ZNF761: variants seen among roughly 807,000 people sequenced by gnomAD.
ZNF761 encodes the protein zinc finger protein 761.
Under a neutral mutation model 59.9 loss-of-function variants are expected in ZNF761, and 43 were observed. That is an observed-to-expected ratio of 0.72 (90% confidence interval 0.56 to 0.92). The LOEUF (loss-of-function observed/expected upper bound fraction) is 0.92. ZNF761 is among the 40% of genes least tolerant of loss of function. The pLI is 0.00. For synonymous variants in ZNF761, 294 were observed against 304.8 expected, an observed-to-expected ratio of 0.96 and a Z score of 0.37; for missense variants, 850 against 906.1, an observed-to-expected ratio of 0.94 and a Z score of 0.79.
At position 53,455,661 on chromosome 19, in the gene ZNF761, A is replaced by G; in HGVS notation, c.1154A>G (p.Asn385Ser). The change falls in exon 5 of 5, where the codon AAT (asparagine) becomes AGT (serine). Residue 385 changes from asparagine (N) to serine (S), a missense_variant. Physicochemically the swap from Asn to Ser is conservative, Grantham distance 46 (BLOSUM62 1). Coordinates refer to ENST00000684525, the MANE Select transcript of ZNF761 (RefSeq NM_001289951.2). ...LHTGEKPYKC[N>S]ECGKTFSHKS... ...ACTGGAGAGAAACCCTACAAATGTA[A>G]TGAGTGTGGCAAGACCTTTAGTCAC... is the stretch of plus-strand genomic sequence containing the variant. 6.2e-7 allele frequency: 1 copy of G among 1,613,842 alleles called. No individual in the cohort carries two copies. The highest frequency in any genetic ancestry group is 1.1e-5 in the South Asian group (1 of 91,052).
rs551514973 is a variant in ZNF761 at position 53,456,525 on chromosome 19, G to T, written c.2018G>T (p.Arg673Leu). The change falls in exon 5 of 5, where the codon CGG becomes CTG. Residue 673 changes from arginine to leucine, a missense_variant. By Grantham distance (102) the Arg-to-Leu change is moderately radical. Transcript: ENST00000684525. ...KCNECGKTFSRKSYFICHHRL... is the reference protein window; with the variant it reads ...KCNECGKTFSLKSYFICHHRL... ...AATGAGTGTGGCAAGACCTTTAGTCGGAAGTCATATTTTATATGCCATCAT... is the reference window on the plus strand; with the variant it reads ...AATGAGTGTGGCAAGACCTTTAGTCTGAAGTCATATTTTATATGCCATCAT... 1 of 1,608,418 alleles carries T rather than the reference G, an allele frequency of 6.2e-7. No individual in the cohort carries two copies. Among genetic ancestry groups the T allele is most frequent in the Admixed American group, 1.7e-5 (1 of 59,506 alleles).
chr19:53,450,023 G>A lies in ZNF761; in HGVS notation c.142+385G>A, dbSNP rs1416269900. On this transcript the variant is annotated intron_variant, in intron 4 of 4. Coordinates refer to ENST00000684525, the MANE Select transcript of ZNF761 (RefSeq NM_001289951.2). ...ATTTTTAAGATTTTTGCATATGTGT[G>A]GCCGGGCTTGGTGGCTCACGCCTGT... is the stretch of plus-strand genomic sequence containing the variant. 7 of 449,678 alleles carry A rather than the reference G, an allele frequency of 1.6e-5. 1 individual carries two copies. Among genetic ancestry groups the A allele is most frequent in the East Asian group, 1.0e-4 (3 of 29,464 alleles). The allele number at this position is 449,678 out of a possible 1,614,324, so 27.9% of individuals were successfully genotyped here.
intron 1 of ZNF761, chr19:53,444,713 C>T (rs1156815779): frequency 1.3e-5 from 2 of 152,172 alleles, no homozygotes; most frequent in Non-Finnish European, 2.9e-5. Context: ...GTCTCTTATC[C>T]CAGCTGATGA....
chr19:53,455,446 T>C lies in ZNF761; in HGVS notation c.939T>C (p.Leu313=). The stretch of plus-strand genomic sequence containing the variant: ...AAGCTTTCCATTTCAAATCAATACT[T>C]GAAAGACATAGGATAATTCATACTG... ...CDKAFHFKSI[L]ERHRIIHTEE... is the part of the protein sequence containing the mutation. The change falls in exon 5 of 5, where the codon CTT becomes CTC. Residue 313 remains leucine (L), a synonymous_variant. Coordinates refer to ENST00000684525, the MANE Select transcript of ZNF761 (RefSeq NM_001289951.2). The C allele has an allele frequency of 6.2e-7, 1 of 1,611,806 alleles. No individual in the cohort carries two copies. Among genetic ancestry groups the C allele is most frequent in the South Asian group, 1.1e-5 (1 of 90,956 alleles).
chr19:53,447,096 C>T (rs2086168549), intron 2 of ZNF761, 100 bp from the exon 3 acceptor site: 1 of 701,658 alleles, frequency 1.4e-6, no homozygotes, highest in South Asian at 2.0e-5. Flanking sequence ...GCAGACGGGA[C>T]CATATTTCCC....
At chr19:53,438,132 A>G (rs1407413197) in intron 1 of ZNF761, among the ~76,000 whole-genome samples, 1 of 120,782 alleles carries the variant, frequency 8.3e-6, no homozygotes, top group Non-Finnish European at 1.8e-5. Context: ...GGAGCAGAAT[A>G]GCCAGGTTAG....
At chr19:53,451,960 C>T (rs1398977399) in intron 4 of ZNF761, among the ~76,000 whole-genome samples, 2 of 152,060 alleles carry the variant, frequency 1.3e-5, no homozygotes, top group Non-Finnish European at 1.5e-5. Context: ...AGTACAGGCT[C>T]TAAACTTCCT....
In ZNF761 at chr19:53,452,562, CACAA is replaced by C. The variant is rs555228096; in HGVS notation, c.143-2082_143-2079del. 3.9e-5 allele frequency among the ~76,000 whole-genome samples: 6 copies of C among 152,180 alleles called. No homozygotes were observed. In the South Asian group the frequency reaches 1.2e-3, roughly 32 times the overall value. On this transcript the variant is annotated intron_variant, in intron 4 of 4. Coordinates refer to ENST00000684525, the MANE Select transcript of ZNF761 (RefSeq NM_001289951.2). ...TGACAGAGTGTGACTCGGTCTCAAA[CACAA>C]ACAAAAAGAGAAATAGCTTAAACTG...
At chr19:53,451,013 C>G (rs2086217440) in intron 4 of ZNF761, among the ~76,000 whole-genome samples, 1 of 151,384 alleles carries the variant, frequency 6.6e-6, no homozygotes, top group Admixed American at 6.6e-5. Flanking sequence ...AAAAAAATTC[C>G]ATAACCTGCA....
At chr19:53,452,605 A>G (rs1027892241) in intron 4 of ZNF761, among the ~76,000 whole-genome samples, 1 of 152,216 alleles carries the variant, frequency 6.6e-6, no homozygotes, top group Non-Finnish European at 1.5e-5. Flanking sequence ...GGCTTCAGAC[A>G]CAGAAATTTA....
rs1360387833 is a variant in ZNF761 at position 53,449,201 on chromosome 19, G to A, written c.16-311G>A. ...AAAAATTAACTGGTTGTGGTGGCAT[G>A]CACCTGTAATTTCAGCTACTCAGGA... On this transcript the variant is annotated intron_variant, in intron 3 of 4. Coordinates refer to ENST00000684525, the MANE Select transcript of ZNF761 (RefSeq NM_001289951.2). Among the ~76,000 whole-genome samples the A allele has an allele frequency of 2.0e-5, 3 of 152,192 alleles. No individual in the cohort carries two copies. In the East Asian group the frequency reaches 5.8e-4, roughly 29 times the overall value.
rs1406447572 is a variant in ZNF761, at chr19:53,447,234, C to T, written c.-35C>T. ...AGACTCTTGGTACGTGAGGAAGAAACCCGGAAGAGGAAGAGGAGAGCAAAG... is the reference window on the plus strand; with the variant it reads ...AGACTCTTGGTACGTGAGGAAGAAATCCGGAAGAGGAAGAGGAGAGCAAAG... On this transcript the variant is annotated 5_prime_UTR_variant, in exon 3 of 5. Coordinates refer to ENST00000684525, the MANE Select transcript of ZNF761 (RefSeq NM_001289951.2). 6.2e-7 allele frequency: 1 copy of T among 1,609,972 alleles called. No homozygotes were observed. The highest frequency in any genetic ancestry group is 2.2e-5 in the East Asian group (1 of 44,866).
intron 4 of ZNF761, 35 bp downstream of exon 4, chr19:53,449,673 C>T (rs1227237631): frequency 1.9e-6 from 3 of 1,592,458 alleles, no homozygotes; most frequent in East Asian, 2.2e-5. Flanking sequence ...TGGGAATGTG[C>T]CCTTGTGTAT....
At chr19:53,453,624 C>A (rs1453160279) in intron 4 of ZNF761, among the ~76,000 whole-genome samples, 1 of 152,112 alleles carries the variant, frequency 6.6e-6, no homozygotes, top group African/African-American at 2.4e-5. Flanking sequence ...ACCTGCCATC[C>A]CAGGACTTTG....
chr19:53,433,013 C>T lies in ZNF761; in HGVS notation c.-185+985C>T, dbSNP rs529007766. ...GGGAGAAGCACAGCAGGGAGGACAC[C>T]TGGGGATCTGGGGTGCTAGAGAGTG... is the stretch of plus-strand genomic sequence containing the variant. On this transcript the variant is annotated intron_variant, in intron 1 of 4. Coordinates refer to ENST00000684525, the MANE Select transcript of ZNF761 (RefSeq NM_001289951.2). 4.5e-5 allele frequency among the ~76,000 whole-genome samples: 5 copies of T among 111,864 alleles called. No individual in the cohort carries two copies. The East Asian group carries it at 1.2e-3, about 27-fold the overall frequency. 73.4% of individuals were successfully genotyped at this position (111,864 alleles called of 152,430 possible). A position where few individuals can be genotyped will look rare whatever the true frequency, so the allele number is the denominator to read the frequency against.
chr19:53,436,886 C>T (rs2086048030), intron 1 of ZNF761, among the ~76,000 whole-genome samples: 1 of 152,158 alleles, frequency 6.6e-6, no homozygotes, highest in Admixed American at 6.5e-5. Flanking sequence ...AGTTTATAAG[C>T]AAGTTTTCAC....
At chr19:53,444,034 C>T (rs1290598779) in intron 1 of ZNF761, 3 of 152,542 alleles carry the variant, frequency 2.0e-5, no homozygotes, top group African/African-American at 7.2e-5. Context: ...TCACCATTCT[C>T]CAGTCTCAAA....
At position 53,456,627 on chromosome 19, in the gene ZNF761, G is replaced by A; in HGVS notation, c.2120G>A (p.Cys707Tyr). The stretch of plus-strand genomic sequence containing the variant: ...TTTAGTCAGAAGTCATCCCTTATAT[G>A]CCACCATAGACTTCATACTGGAGAG... ...KNFSQKSSLI[C>Y]HHRLHTGEKP... is the part of the protein sequence containing the mutation. Residue 707 changes from cysteine to tyrosine, a missense_variant, in exon 5 of 5, where the codon TGC becomes TAC. Cys to Tyr is a radical substitution (Grantham distance 194, BLOSUM62 -2). Coordinates refer to ENST00000684525, the MANE Select transcript of ZNF761 (RefSeq NM_001289951.2). 9 of 1,612,928 alleles carry A rather than the reference G, an allele frequency of 5.6e-6. No individual in the cohort carries two copies. The South Asian group carries it at 8.8e-5, about 16-fold the overall frequency.
At chr19:53,435,569 C>T (rs529899042) in intron 1 of ZNF761, among the ~76,000 whole-genome samples, 3 of 152,138 alleles carry the variant, frequency 2.0e-5, no homozygotes, top group African/African-American at 7.2e-5. Context: ...TCCAAAAGGG[C>T]TGGAATTACA....
Sources: gnomAD v4.1 joint callset for allele counts (sites outside exome capture counted in the v4.1 genomes callset) on GRCh38, gnomAD v4.1.1 for gene constraint, MANE v1.5 for transcripts, NCBI Gene and HGNC (gene_info 2026-07-23, HGNC 2026-07-21) for gene names.